Variants in KCNK2 observed in about 807,000 individuals in gnomAD.
KCNK2 encodes potassium channel subfamily K member 2.
KCNK2 carries 21 observed loss-of-function variants against 40.5 expected under a neutral mutation model. The observed-to-expected ratio is 0.52, with a 90% CI of 0.37 to 0.75. The LOEUF is 0.75. Among genes scored for constraint, KCNK2 ranks in the 30% least tolerant of loss-of-function variants. The pLI is 0.00. For missense variants in KCNK2, 399 were observed against 531.6 expected (o/e 0.75, Z 2.45); for synonymous variants, 191 against 202.2 (o/e 0.94, Z 0.47).
intron 5 of KCNK2, among the ~76,000 whole-genome samples, chr1:215,193,679 C>T (rs1015443933): frequency 3.3e-5 from 5 of 152,156 alleles, no homozygotes; most frequent in Admixed American, 3.3e-4. Flanking sequence ...TTCTCTGCCA[C>T]TAGATCTTTC....
intron 6 of KCNK2, among the ~76,000 whole-genome samples, chr1:215,196,998 AG>A (rs1260246009): frequency 1.3e-5 from 2 of 152,204 alleles, no homozygotes; most frequent in Non-Finnish European, 2.9e-5. Flanking sequence ...ACAAATACAC[AG>A]ATATAATATT....
chr1:215,120,698 C>G (rs1661153020), intron 2 of KCNK2, among the ~76,000 whole-genome samples: 1 of 152,114 alleles, frequency 6.6e-6, no homozygotes, highest in Non-Finnish European at 1.5e-5. Flanking sequence ...GCAACTCTTT[C>G]AGATTTATGG....
At chr1:215,011,797 G>A (rs1171736218) in intron 1 of KCNK2, among the ~76,000 whole-genome samples, 6 of 151,178 alleles carry the variant, frequency 4.0e-5, no homozygotes, top group East Asian at 2.0e-4. Flanking sequence ...TAGTAGAGAC[G>A]GGGTTTCACC....
intron 1 of KCNK2, among the ~76,000 whole-genome samples, chr1:215,073,383 A>G (rs906949580): frequency 6.6e-6 from 1 of 152,238 alleles, no homozygotes. Context: ...GCAAAGGGGT[A>G]ATAAATGGAG....
intron 6 of KCNK2, among the ~76,000 whole-genome samples, chr1:215,206,805 C>T (rs1665330661): frequency 6.6e-6 from 1 of 152,152 alleles, no homozygotes; most frequent in Admixed American, 6.5e-5. Context: ...TCACTTTATT[C>T]CCTATAACAC....
intron 1 of KCNK2, among the ~76,000 whole-genome samples, chr1:215,032,156 C>A (rs954772566): frequency 2.7e-5 from 4 of 150,134 alleles, no homozygotes; most frequent in Non-Finnish European, 5.9e-5. Context: ...ACCTATAATC[C>A]CAGCACATTG....
upstream of KCNK2, among the ~76,000 whole-genome samples, chr1:215,079,893 G>T (rs1424250625): frequency 1.3e-5 from 2 of 152,162 alleles, no homozygotes; most frequent in African/African-American, 4.8e-5. Context: ...TTATTTGTGA[G>T]GCTGAGCATT....
At chr1:215,120,963 G>T (rs1026167878) in intron 2 of KCNK2, among the ~76,000 whole-genome samples, 4 of 151,484 alleles carry the variant, frequency 2.6e-5, no homozygotes, top group African/African-American at 9.7e-5. Context: ...CCATTTTCTT[G>T]CCAACAGCCA....
intron 2 of KCNK2, 98 bp downstream of exon 2, chr1:215,086,776 GT>G: frequency 9.1e-7 from 1 of 1,098,386 alleles, no homozygotes; most frequent in African/African-American, 1.6e-5. Context: ...AGGTGTGCTG[GT>G]GGGAGCCCTA....
intron 5 of KCNK2, among the ~76,000 whole-genome samples, chr1:215,174,689 C>A (rs1472557875): frequency 6.6e-6 from 1 of 152,120 alleles, no homozygotes; most frequent in Non-Finnish European, 1.5e-5. Context: ...TCCTTCACAT[C>A]CCTTGTAAGT....
At chr1:215,084,446 C>G (rs887263654) in intron 1 of KCNK2, among the ~76,000 whole-genome samples, 2 of 152,104 alleles carry the variant, frequency 1.3e-5, no homozygotes, top group African/African-American at 4.8e-5. Context: ...TGTGGAACTT[C>G]TATGTGATTT....
upstream of KCNK2, among the ~76,000 whole-genome samples, chr1:215,078,298 G>T (rs1659023958): frequency 6.6e-6 from 1 of 152,190 alleles, no homozygotes; most frequent in Admixed American, 6.5e-5. Flanking sequence ...TGGTTCATAT[G>T]GTTGATCAAA....
At chr1:215,154,974 T>A (rs1662851761) in intron 3 of KCNK2, among the ~76,000 whole-genome samples, 1 of 152,208 alleles carries the variant, frequency 6.6e-6, no homozygotes, top group Non-Finnish European at 1.5e-5. Flanking sequence ...ATATTTTTAG[T>A]ATTCATATTT....
At chr1:215,134,685 C>A (rs1348214615) in intron 3 of KCNK2, among the ~76,000 whole-genome samples, 5 of 152,030 alleles carry the variant, frequency 3.3e-5, no homozygotes, top group Admixed American at 3.3e-4. Flanking sequence ...CAGCCGCCAT[C>A]CTGAAGCTAT....
chr1:215,223,369 T>G (rs1282234801), intron 6 of KCNK2, among the ~76,000 whole-genome samples: 1 of 152,058 alleles, frequency 6.6e-6, no homozygotes, highest in Non-Finnish European at 1.5e-5. Flanking sequence ...TAGTGATGAT[T>G]CTGGGACAGG....
At chr1:215,080,876 C>T (rs141363728), upstream of KCNK2, among the ~76,000 whole-genome samples, 1 of 152,296 alleles carries the variant, frequency 6.6e-6, no homozygotes, top group Non-Finnish European at 1.5e-5. Flanking sequence ...AATCTAAAAT[C>T]TAAGTGTTGC....
intron 1 of KCNK2, among the ~76,000 whole-genome samples, chr1:215,068,386 TC>T (rs1658632965): frequency 6.6e-6 from 1 of 152,142 alleles, no homozygotes; most frequent in Non-Finnish European, 1.5e-5. Flanking sequence ...ATCTATTACT[TC>T]AGGCGAAAGA....
intron 2 of KCNK2, among the ~76,000 whole-genome samples, chr1:215,110,913 G>T (rs754498560): frequency 1.3e-5 from 2 of 151,906 alleles, no homozygotes; most frequent in African/African-American, 4.8e-5. Context: ...AGAGTCTATG[G>T]GTTTGGATAA....
At chr1:215,071,378 C>T (rs1309101669) in intron 1 of KCNK2, among the ~76,000 whole-genome samples, 1 of 152,146 alleles carries the variant, frequency 6.6e-6, no homozygotes, top group Non-Finnish European at 1.5e-5. Context: ...TAGGAAAGGT[C>T]AGAAGTGCTT....
Sources: gnomAD v4.1 joint callset for allele counts (sites outside exome capture counted in the v4.1 genomes callset) on GRCh38, gnomAD v4.1.1 for gene constraint, MANE v1.5 for transcripts, NCBI Gene and HGNC (gene_info 2026-07-23, HGNC 2026-07-21) for gene names.